The following MATN2 variants were observed in gnomAD, a reference collection of about 807,000 sequenced individuals.
The protein encoded by MATN2 is matrilin-2.
A neutral mutation model predicts 103.2 loss-of-function variants in MATN2; 69 were observed. The observed-to-expected ratio is 0.67, with a 90% confidence interval of 0.55 to 0.82. The LOEUF (loss-of-function observed/expected upper bound fraction) is 0.82. Ranked by LOEUF, MATN2 falls within the 40% of genes least tolerant of loss-of-function variation. The probability of loss-of-function intolerance (pLI) is 0.00; values close to 1 mark genes in which losing one functional copy is unlikely to be tolerated. For missense variants in MATN2, 1,023 were observed against 1,211.5 expected, an observed-to-expected ratio of 0.84 and a Z score of 2.31; for synonymous variants, 429 against 450.2, an observed-to-expected ratio of 0.95 and a Z score of 0.60.
intron 10 of MATN2, among the ~76,000 whole-genome samples, chr8:98,012,535 G>T (rs1053183561): frequency 2.0e-5 from 3 of 152,208 alleles, no homozygotes; most frequent in African/African-American, 4.8e-5. Flanking sequence ...ACTGCAGGAA[G>T]TTCTGTGCTC....
At chr8:97,978,230 G>T (rs991342428) in intron 5 of MATN2, among the ~76,000 whole-genome samples, 6 of 152,070 alleles carry the variant, frequency 3.9e-5, no homozygotes, top group African/African-American at 1.4e-4. Context: ...TTTGTGTAAT[G>T]AACACATATT....
At chr8:97,884,782 C>T (rs544242575) in intron 1 of MATN2, among the ~76,000 whole-genome samples, 11 of 152,110 alleles carry the variant, frequency 7.2e-5, no homozygotes, top group African/African-American at 2.7e-4. Flanking sequence ...ATAACAACAA[C>T]AACAACAACA....
intron 6 of MATN2, among the ~76,000 whole-genome samples, chr8:97,987,120 C>T (rs565863589): frequency 7.2e-4 from 109 of 152,114 alleles, no homozygotes; most frequent in Admixed American, 1.6e-3. Flanking sequence ...GGATTACAGG[C>T]GTGAGCCACC....
Position 97,883,938 on chromosome 8 carries a change from C to T in MATN2, c.-26-4137C>T, listed in dbSNP as rs1818338467. On this transcript the variant is annotated intron_variant, in intron 1 of 18. Transcript: ENST00000254898. ...AAAGTGCTGGGATTATGGGCATGAGCCACTGCACCCCAGCCTTTTGCCATT... is the reference window on the plus strand; with the variant it reads ...AAAGTGCTGGGATTATGGGCATGAGTCACTGCACCCCAGCCTTTTGCCATT... Among the ~76,000 whole-genome samples, 2 of 152,106 alleles carry T rather than the reference C, an allele frequency of 1.3e-5. 1 individual carries two copies. The highest frequency in any genetic ancestry group is 4.1e-4 in the South Asian group (2 of 4,820).
rs182901867 is a variant in MATN2, at chr8:98,020,755, G to C, written c.1820-450G>C. Among the ~76,000 whole-genome samples, 14 of 152,286 alleles carry C rather than the reference G, an allele frequency of 9.2e-5. No homozygotes were observed. The East Asian group carries it at 2.5e-3, about 27-fold the overall frequency. On this transcript the variant is annotated intron_variant, in intron 12 of 18. Coordinates refer to ENST00000254898, the MANE Select transcript of MATN2 (RefSeq NM_002380.5). Reference sequence around the variant, plus strand: ...ACCGTGGGCAGCAGTGAAGCTCTCTGAGGATCTAATTCTTCATTGATACCT... The same window carrying C: ...ACCGTGGGCAGCAGTGAAGCTCTCTCAGGATCTAATTCTTCATTGATACCT...
At chr8:97,888,045 T>C (rs1251330590) in intron 1 of MATN2, 30 bp from the exon 2 acceptor site, 13 of 1,581,642 alleles carry the variant, frequency 8.2e-6, no homozygotes, top group South Asian at 1.2e-5. Context: ...AATCTCACCC[T>C]GCCCTCTTCT....
chr8:97,885,142 C>T (rs1402971494), intron 1 of MATN2, among the ~76,000 whole-genome samples: 3 of 152,198 alleles, frequency 2.0e-5, no homozygotes, highest in African/African-American at 7.2e-5. Flanking sequence ...TGATCACACA[C>T]CACATCATAT....
chr8:98,030,413 T>C (rs752227879), intron 14 of MATN2, 49 bp from the exon 15 acceptor site: 2 of 1,546,866 alleles, frequency 1.3e-6, no homozygotes, highest in African/African-American at 2.7e-5. Flanking sequence ...TTCCAGCCCC[T>C]GGGAACACAA....
At chr8:98,016,414 A>T in intron 10 of MATN2, 126 bp from the exon 11 acceptor site, 1 of 807,128 alleles carries the variant, frequency 1.2e-6, no homozygotes, top group Non-Finnish European at 2.0e-6. Context: ...ATATTCTGAA[A>T]TGTGTACTGT....
intron 4 of MATN2, among the ~76,000 whole-genome samples, chr8:97,960,764 T>C (rs370098893): frequency 3.1e-4 from 47 of 152,286 alleles, no homozygotes; most frequent in African/African-American, 1.0e-3. Flanking sequence ...CTCAAAAAAA[T>C]TATTTAATGT....
intron 2 of MATN2, among the ~76,000 whole-genome samples, chr8:97,926,329 G>A (rs560227786): frequency 1.3e-5 from 2 of 152,306 alleles, no homozygotes; most frequent in East Asian, 1.9e-4. Context: ...AGCATAAGAA[G>A]AACACACACC....
intron 3 of MATN2, among the ~76,000 whole-genome samples, chr8:97,932,088 A>G (rs973488029): frequency 6.6e-6 from 1 of 152,186 alleles, no homozygotes; most frequent in African/African-American, 2.4e-5. Context: ...AGGAGTGTGC[A>G]ACCCCAGGAC....
intron 2 of MATN2, among the ~76,000 whole-genome samples, chr8:97,928,503 G>A (rs1810067593): frequency 6.6e-6 from 1 of 152,214 alleles, no homozygotes; most frequent in Admixed American, 6.5e-5. Context: ...TGGGATTACA[G>A]GCGTGAGCCA....
At chr8:97,898,298 C>A (rs1818879452) in intron 2 of MATN2, among the ~76,000 whole-genome samples, 1 of 152,080 alleles carries the variant, frequency 6.6e-6, no homozygotes. Flanking sequence ...ATAATGATAA[C>A]AATAGTAGTG....
At chr8:97,924,576 G>T (rs556301686) in intron 2 of MATN2, among the ~76,000 whole-genome samples, 1 of 151,952 alleles carries the variant, frequency 6.6e-6, no homozygotes, top group African/African-American at 2.4e-5. Flanking sequence ...CACCTGTCCC[G>T]TCCTTCATTC....
At chr8:97,932,466 A>AAG (rs2130147873) in intron 3 of MATN2, among the ~76,000 whole-genome samples, 1 of 152,246 alleles carries the variant, frequency 6.6e-6, no homozygotes, top group South Asian at 2.1e-4. Flanking sequence ...TTTCTGCAGG[A>AAG]AGATGCCTCT....
chr8:97,937,463 A>G (rs2130167616), intron 3 of MATN2, among the ~76,000 whole-genome samples: 1 of 152,206 alleles, frequency 6.6e-6, no homozygotes, highest in Non-Finnish European at 1.5e-5. Context: ...CCATTACACC[A>G]AGTTATAATC....
chr8:97,918,088 CAAAA>C (rs1191771500), intron 2 of MATN2, among the ~76,000 whole-genome samples: 1 of 151,100 alleles, frequency 6.6e-6, no homozygotes, highest in Non-Finnish European at 1.5e-5. Flanking sequence ...GACCCAGTCT[CAAAA>C]AAAGGAAAAA....
intron 6 of MATN2, among the ~76,000 whole-genome samples, chr8:97,984,205 C>T (rs193259713): frequency 1.3e-3 from 202 of 152,348 alleles, no homozygotes; most frequent in African/African-American, 4.6e-3. Context: ...AATACCCCCA[C>T]TGACAGGATA....
Sources: gnomAD v4.1 joint callset for allele counts (sites outside exome capture counted in the v4.1 genomes callset) on GRCh38, gnomAD v4.1.1 for gene constraint, MANE v1.5 for transcripts, NCBI Gene and HGNC (gene_info 2026-07-23, HGNC 2026-07-21) for gene names.